Variants in AKR1C3 observed in about 807,000 individuals in gnomAD.
The protein encoded by AKR1C3 is 3-alpha hydroxysteroid dehydrogenase, type II.
In AKR1C3, 48 loss-of-function variants were observed where a neutral mutation model predicts 43.6. That is an observed-to-expected ratio of 1.10 (90% CI 0.87 to 1.40). AKR1C3 has a LOEUF of 1.40. AKR1C3 is among the 40% of genes most tolerant of loss of function. The pLI, the probability that AKR1C3 is intolerant of heterozygous loss-of-function variation, is 0.00. For missense variants in AKR1C3, 482 were observed against 391.2 expected (o/e 1.23, Z -1.96); for synonymous variants, 162 against 139.6 (o/e 1.16, Z -1.13).
chr10:5,081,720 C>T (rs1356789777), intron 1 of AKR1C3: 1 of 142,458 alleles, frequency 7.0e-6, no homozygotes. Context: ...CATTTTCTTC[C>T]CTCTCCTGTG....
chr10:5,061,231 G>T (rs1259244540), intron 1 of AKR1C3, among the ~76,000 whole-genome samples: 1 of 152,230 alleles, frequency 6.6e-6, no homozygotes, highest in Non-Finnish European at 1.5e-5. Context: ...CAACCATTTT[G>T]CAGACCTTTT....
intron 1 of AKR1C3, among the ~76,000 whole-genome samples, chr10:5,075,472 T>C (rs1295438201): frequency 2.7e-5 from 1 of 37,270 alleles, no homozygotes; most frequent in Non-Finnish European, 4.7e-5. Context: ...ATGTCATAAA[T>C]AAGTTTTTTT....
At chr10:5,058,193 G>A (rs1430408095) in intron 1 of AKR1C3, among the ~76,000 whole-genome samples, 1 of 152,210 alleles carries the variant, frequency 6.6e-6, no homozygotes, top group Non-Finnish European at 1.5e-5. Context: ...GGATCTGGAG[G>A]TAAGCTGAGA....
intron 1 of AKR1C3, among the ~76,000 whole-genome samples, chr10:5,062,058 T>A (rs1838393923): frequency 6.6e-6 from 1 of 152,220 alleles, no homozygotes; most frequent in South Asian, 2.1e-4. Flanking sequence ...TTTCACATAG[T>A]TTTTAGGAGT....
At chr10:5,091,135 A>G (rs1211173019), upstream of AKR1C3, among the ~76,000 whole-genome samples, 2 of 152,076 alleles carry the variant, frequency 1.3e-5, no homozygotes, top group African/African-American at 2.4e-5. Flanking sequence ...AAACGGAGTA[A>G]AATGAGGGTT....
In AKR1C3 at chr10:5,099,512, A is replaced by C. The variant is rs1041112877; in HGVS notation, c.570+63A>C. 29 of 1,607,834 alleles carry C rather than the reference A, an allele frequency of 1.8e-5. No homozygotes were observed. The African/African-American group carries it at 3.2e-4, about 18-fold the overall frequency. ...TGCCCCCTCTTCCTGTCCTATTGCC[A>C]AATATCTGTTTGTTTTGTCCCAGTT... On this transcript the variant is annotated intron_variant, in intron 5 of 8. Transcript: ENST00000380554.
chr10:5,084,287 C>T (rs1335430913), intron 1 of AKR1C3, among the ~76,000 whole-genome samples: 7 of 151,766 alleles, frequency 4.6e-5, no homozygotes, highest in South Asian at 2.1e-4. Context: ...TTTCAGCTTT[C>T]TACATGTGGC....
At chr10:5,094,347 G>GT, upstream of AKR1C3, 1 of 1,005,782 alleles carries the variant, frequency 9.9e-7, no homozygotes, top group Non-Finnish European at 1.5e-6. Context: ...CCATCAGTCA[G>GT]TTTGCAGGGG....
chr10:5,056,354 A>T (rs540202325), intron 1 of AKR1C3, among the ~76,000 whole-genome samples: 1 of 152,268 alleles, frequency 6.6e-6, no homozygotes, highest in Admixed American at 6.5e-5. Context: ...TGCTTCCTCT[A>T]GTATTTGAGA....
intron 1 of AKR1C3, among the ~76,000 whole-genome samples, chr10:5,060,214 A>G (rs542003110): frequency 6.6e-6 from 1 of 152,278 alleles, no homozygotes; most frequent in South Asian, 2.1e-4. Flanking sequence ...GAGCAAAAGA[A>G]CAAAGCTTCC....
chr10:5,066,330 C>A (rs565124907), intron 1 of AKR1C3, among the ~76,000 whole-genome samples: 2 of 152,250 alleles, frequency 1.3e-5, no homozygotes, highest in South Asian at 4.1e-4. Context: ...GAAATTTCCC[C>A]TTTTTGATCA....
In AKR1C3 at chr10:5,098,852, CAT is replaced by C; in HGVS notation, c.422_423del (p.Ile141SerfsTer14). 9 of 1,613,582 alleles carry C rather than the reference CAT, an allele frequency of 5.6e-6. No individual in the cohort carries two copies. Among genetic ancestry groups the C allele is most frequent in the Non-Finnish European group, 6.8e-6 (8 of 1,179,804 alleles). On this transcript the variant is annotated frameshift_variant, in exon 4 of 9. Coordinates refer to ENST00000380554, the MANE Select transcript of AKR1C3 (RefSeq NM_003739.6). LOFTEE classifies it high-confidence loss of function. ...ATGAAAATGGAAAAGTAATATTTGA[CAT>C]AGTGGATCTCTGTACCACCTGGGAG... The part of the protein sequence containing the change: ...TDENGKVIFD[I>X]VDLCTTWEAM...
At chr10:5,060,989 G>A (rs939704233) in intron 1 of AKR1C3, among the ~76,000 whole-genome samples, 8 of 152,220 alleles carry the variant, frequency 5.3e-5, no homozygotes, top group East Asian at 1.9e-4. Context: ...GCCCACAAGC[G>A]TGGCGCACAG....
chr10:5,096,339 G>A, intron 1 of AKR1C3, 71 bp from the exon 2 acceptor site: 2 of 1,538,448 alleles, frequency 1.3e-6, no homozygotes, highest in Non-Finnish European at 1.8e-6. Flanking sequence ...TTGTATAAAA[G>A]TCAATGCTTG....
intron 2 of AKR1C3, 82 bp downstream of exon 2, chr10:5,096,659 G>GT: frequency 1.4e-6 from 2 of 1,466,694 alleles, no homozygotes; most frequent in Non-Finnish European, 1.8e-6. Flanking sequence ...TGGATGAGTA[G>GT]TTGTGGGTGA....
At chr10:5,095,163 C>G (rs1839178373) in intron 1 of AKR1C3, among the ~76,000 whole-genome samples, 1 of 152,026 alleles carries the variant, frequency 6.6e-6, no homozygotes, top group Non-Finnish European at 1.5e-5. Flanking sequence ...ATATTTGTAT[C>G]AAAGTGGTAG....
At chr10:5,073,082 G>A (rs923134654) in intron 1 of AKR1C3, among the ~76,000 whole-genome samples, 1 of 152,044 alleles carries the variant, frequency 6.6e-6, no homozygotes, top group Admixed American at 6.6e-5. Context: ...ACATGCCTTA[G>A]CCTCTCAAGA....
intron 1 of AKR1C3, among the ~76,000 whole-genome samples, chr10:5,057,189 T>C (rs1028327254): frequency 2.0e-5 from 3 of 152,188 alleles, no homozygotes; most frequent in African/African-American, 4.8e-5. Context: ...TTGTTTCTCA[T>C]TGGACAATCT....
intron 1 of AKR1C3, among the ~76,000 whole-genome samples, chr10:5,060,826 G>A (rs1192725937): frequency 6.6e-6 from 1 of 152,204 alleles, no homozygotes; most frequent in Non-Finnish European, 1.5e-5. Flanking sequence ...CCTGAGCCCT[G>A]CCCTGTGGGG....
Sources: allele counts gnomAD v4.1 joint callset (sites outside exome capture counted in the v4.1 genomes callset), GRCh38; gene constraint gnomAD v4.1.1; transcripts MANE v1.5; gene names NCBI Gene and HGNC (gene_info 2026-07-23, HGNC 2026-07-21).